Variants in ITPK1 observed in about 807,000 individuals in gnomAD.
The protein encoded by ITPK1 is inositol-tetrakisphosphate 1-kinase.
ITPK1 carries 21 observed loss-of-function variants against 45.3 expected under a neutral mutation model. The observed-to-expected ratio is 0.46, with a 90% CI of 0.33 to 0.67. The LOEUF (loss-of-function observed/expected upper bound fraction) is 0.67, where lower values mean the gene tolerates loss of function less well. Ranked by LOEUF, ITPK1 falls within the 30% of genes least tolerant of loss-of-function variation. ITPK1 has a pLI of 0.02. For synonymous variants in ITPK1, 258 were observed against 253.6 expected (o/e 1.02, Z -0.16); for missense variants, 474 against 573.5 (o/e 0.83, Z 1.77).
chr14:93,082,327 T>C (rs1891470387), intron 2 of ITPK1, among the ~76,000 whole-genome samples: 1 of 152,176 alleles, frequency 6.6e-6, no homozygotes, highest in Admixed American at 6.5e-5. Flanking sequence ...AGGAAGTGGT[T>C]AGAAGCCCAG....
chr14:93,024,250 C>T (rs1018645295), intron 3 of ITPK1, among the ~76,000 whole-genome samples: 6 of 152,192 alleles, frequency 3.9e-5, no homozygotes, highest in Non-Finnish European at 7.3e-5. Context: ...CATGGCTGGC[C>T]AGTGCTCTTC....
At chr14:92,972,854 G>A (rs1005890458) in intron 5 of ITPK1, among the ~76,000 whole-genome samples, 2 of 152,184 alleles carry the variant, frequency 1.3e-5, no homozygotes, top group Non-Finnish European at 2.9e-5. Flanking sequence ...GCCTCCAAAA[G>A]TGTTGGGATT....
intron 7 of ITPK1, among the ~76,000 whole-genome samples, chr14:92,960,965 A>C (rs770652396): frequency 2.0e-5 from 3 of 151,716 alleles, no homozygotes; most frequent in Non-Finnish European, 4.4e-5. Context: ...CTGTCTCCAC[A>C]CTCCTTCCCA....
At chr14:93,103,099 C>CAAAAAA (rs71123389) in intron 2 of ITPK1, among the ~76,000 whole-genome samples, 2 of 68,874 alleles carry the variant, frequency 2.9e-5, no homozygotes, top group Non-Finnish European at 2.8e-5. Flanking sequence ...GACTCCATCT[C>CAAAAAA]AAAAAAAAAA....
intron 2 of ITPK1, among the ~76,000 whole-genome samples, chr14:93,085,332 C>T (rs1411644856): frequency 6.6e-6 from 1 of 152,188 alleles, no homozygotes; most frequent in African/African-American, 2.4e-5. Context: ...TGGGGAGTCA[C>T]CAACCACCTT....
At chr14:93,077,952 C>T (rs1157697473) in intron 2 of ITPK1, among the ~76,000 whole-genome samples, 1 of 152,190 alleles carries the variant, frequency 6.6e-6, no homozygotes, top group East Asian at 1.9e-4. Flanking sequence ...AAGATGGCTG[C>T]AGCCAGGCAA....
chr14:92,945,018 TCC>T (rs1887614246), intron 10 of ITPK1, among the ~76,000 whole-genome samples: 1 of 152,188 alleles, frequency 6.6e-6, no homozygotes, highest in Admixed American at 6.5e-5. Context: ...GCCACAGGGC[TCC>T]ACGGTGCCTC....
chr14:93,054,943 C>T (rs1352807299), intron 3 of ITPK1, among the ~76,000 whole-genome samples: 1 of 152,126 alleles, frequency 6.6e-6, no homozygotes, highest in Non-Finnish European at 1.5e-5. Context: ...AGGACAGTTG[C>T]AAGACACCAG....
At chr14:92,996,034 G>A (rs1887037848) in intron 4 of ITPK1, among the ~76,000 whole-genome samples, 1 of 152,142 alleles carries the variant, frequency 6.6e-6, no homozygotes, top group Non-Finnish European at 1.5e-5. Context: ...AGCAGGTCAT[G>A]CATGAGGCCC....
intron 2 of ITPK1, among the ~76,000 whole-genome samples, chr14:93,100,658 C>T (rs1434223300): frequency 6.6e-6 from 1 of 152,142 alleles, no homozygotes; most frequent in Non-Finnish European, 1.5e-5. Flanking sequence ...GGATCTGACT[C>T]AGGAACCAAT....
At chr14:93,043,269 G>T (rs777375481) in intron 3 of ITPK1, among the ~76,000 whole-genome samples, 1 of 151,858 alleles carries the variant, frequency 6.6e-6, no homozygotes, top group East Asian at 1.9e-4. Flanking sequence ...TAAGGAGATC[G>T]GATTGAAATC....
At chr14:93,072,911 G>A (rs566973273) in intron 3 of ITPK1, among the ~76,000 whole-genome samples, 11 of 152,290 alleles carry the variant, frequency 7.2e-5, no homozygotes, top group Non-Finnish European at 1.2e-4. Context: ...ATCAGCTGAC[G>A]ACACCATCAG....
chr14:92,941,710 T>C lies in ITPK1; in HGVS notation c.1096A>G (p.Met366Val), dbSNP rs917846356. 2.5e-5 allele frequency: 39 copies of C among 1,572,900 alleles called. No homozygotes were observed. The highest frequency in any genetic ancestry group is 3.4e-5 in the Non-Finnish European group (39 of 1,161,772). Residue 366 changes from methionine (M) to valine (V), a missense_variant, in exon 11 of 11, where the codon ATG becomes GTG. By Grantham distance (21) the Met-to-Val change is conservative. Coordinates refer to ENST00000267615, the MANE Select transcript of ITPK1 (RefSeq NM_014216.6). ...SASPGCCGSM[M>V]GQDAPWKAEA... ...GCCTTCCAGGGCGCGTCCTGGCCCA[T>C]CATGCTGCCGCAGCAGCCGGGGCTG...
Position 93,040,904 on chromosome 14 carries a change from G to A in ITPK1, c.121-24103C>T, listed in dbSNP as rs35361052. Among the ~76,000 whole-genome samples the A allele has an allele frequency of 3.9e-3, 601 of 152,208 alleles. 2 individuals carry two copies. The highest frequency in any genetic ancestry group is 0.013 in the African/African-American group (545 of 41,514). ...AACTACTTCACCTCACCAAGGCCCC[G>A]TCTTCTCCCCTGTAAAAAAGGAAGG... On this transcript the variant is annotated intron_variant, in intron 3 of 10. Transcript: ENST00000267615.
chr14:93,050,898 GCT>G (rs143111400), intron 3 of ITPK1, among the ~76,000 whole-genome samples: 23 of 152,246 alleles, frequency 1.5e-4, no homozygotes, highest in African/African-American at 4.8e-4. Context: ...CCAATGCCCA[GCT>G]CTTTAATAAA....
chr14:93,064,138 C>G (rs992970794), intron 3 of ITPK1, among the ~76,000 whole-genome samples: 1 of 152,132 alleles, frequency 6.6e-6, no homozygotes, highest in Non-Finnish European at 1.5e-5. Flanking sequence ...AAAAAATTAG[C>G]CGGGCGTGGT....
At chr14:93,101,861 C>T (rs907232260) in intron 2 of ITPK1, among the ~76,000 whole-genome samples, 3 of 152,124 alleles carry the variant, frequency 2.0e-5, no homozygotes, top group Non-Finnish European at 4.4e-5. Context: ...GGCTATGAAA[C>T]CCCGGGAAAG....
At position 93,016,147 on chromosome 14, in the gene ITPK1, G is replaced by A. The variant is rs910091380; in HGVS notation, c.246+529C>T. ...CTGTGCGATCAGGACCTGGGAGGCCGCTGGGGAAGTGGTGTGGGGAGAGGG... is the reference window on the plus strand; with the variant it reads ...CTGTGCGATCAGGACCTGGGAGGCCACTGGGGAAGTGGTGTGGGGAGAGGG... On this transcript the variant is annotated intron_variant, in intron 4 of 10. Transcript: ENST00000267615. The surrounding 1 kb of genome is among the most constrained non-coding windows in gnomAD (Gnocchi z 5.0). Among the ~76,000 whole-genome samples, 8 of 152,168 alleles carry A rather than the reference G, an allele frequency of 5.3e-5. No individual in the cohort carries two copies. Among genetic ancestry groups the A allele is most frequent in the East Asian group, 1.9e-4 (1 of 5,194 alleles).
At chr14:93,038,481 A>G (rs553320435) in intron 3 of ITPK1, among the ~76,000 whole-genome samples, 1 of 152,164 alleles carries the variant, frequency 6.6e-6, no homozygotes, top group East Asian at 1.9e-4. Context: ...ATATCCATAT[A>G]CTCTCTTTTG....
Sources: gnomAD v4.1 joint callset for allele counts (sites outside exome capture counted in the v4.1 genomes callset) on GRCh38, gnomAD v4.1.1 for gene constraint, Gnocchi (gnomAD v3.1) non-coding constraint, MANE v1.5 for transcripts, NCBI Gene and HGNC (gene_info 2026-07-23, HGNC 2026-07-21) for gene names.